Variants in LARP1B observed in about 807,000 individuals in gnomAD.
LARP1B encodes the protein la-related protein 1B.
LARP1B carries 76 observed loss-of-function variants against 114.2 expected under a neutral mutation model. That is an observed-to-expected ratio of 0.67 (90% CI 0.55 to 0.81). The LOEUF (loss-of-function observed/expected upper bound fraction) is 0.81, where lower values mean the gene tolerates loss of function less well. Among genes scored for constraint, LARP1B ranks in the 30% least tolerant of loss-of-function variants. LARP1B has a pLI of 0.00. For synonymous variants in LARP1B, 345 were observed against 348.0 expected, an observed-to-expected ratio of 0.99 and a Z score of 0.10; for missense variants, 1,014 against 1,075.8, an observed-to-expected ratio of 0.94 and a Z score of 0.80.
intron 18 of LARP1B, among the ~76,000 whole-genome samples, 183 bp from the exon 19 acceptor site, chr4:128,207,073 A>G (rs1757816543): frequency 6.6e-6 from 1 of 152,376 alleles, no homozygotes; most frequent in East Asian, 1.9e-4. Flanking sequence ...TGCTTGTTAC[A>G]TAACAAATGC....
chr4:128,174,932 G>T (rs189398477), intron 12 of LARP1B, among the ~76,000 whole-genome samples: 1 of 152,004 alleles, frequency 6.6e-6, no homozygotes, highest in African/African-American at 2.4e-5. Flanking sequence ...ATTGTGTGAC[G>T]TATATTTTTC....
intron 11 of LARP1B, among the ~76,000 whole-genome samples, chr4:128,159,034 C>T (rs1159954959): frequency 6.6e-6 from 1 of 151,510 alleles, no homozygotes; most frequent in African/African-American, 2.4e-5. Flanking sequence ...AAAAATTAGC[C>T]TGTCATGGTG....
At chr4:128,126,016 TAGC>T (rs956871837) in intron 11 of LARP1B, among the ~76,000 whole-genome samples, 1 of 152,090 alleles carries the variant, frequency 6.6e-6, no homozygotes, top group African/African-American at 2.4e-5. Flanking sequence ...CAAGGAAAGT[TAGC>T]AGCACATAAA....
At chr4:128,113,760 G>A (rs1024927116) in intron 9 of LARP1B, among the ~76,000 whole-genome samples, 11 of 147,972 alleles carry the variant, frequency 7.4e-5, no homozygotes, top group East Asian at 2.0e-4. Context: ...GGCTGTGTGC[G>A]TTAGTGATGT....
At chr4:128,112,732 C>A (rs1196315367) in intron 9 of LARP1B, among the ~76,000 whole-genome samples, 2 of 152,036 alleles carry the variant, frequency 1.3e-5, no homozygotes, top group Non-Finnish European at 2.9e-5. Context: ...CCTCGGCCCC[C>A]CAAAGTGCTG....
At chr4:128,198,103 T>A in intron 15 of LARP1B, among the ~76,000 whole-genome samples, 1 of 152,100 alleles carries the variant, frequency 6.6e-6, no homozygotes, top group Non-Finnish European at 1.5e-5. Flanking sequence ...CAGGCTGGTC[T>A]CGAACTCCTG....
intron 1 of LARP1B, chr4:128,062,279 T>C: frequency 1.0e-6 from 1 of 985,326 alleles, no homozygotes. Context: ...CTTGCGGGAC[T>C]TGCCGGCGCG....
At chr4:128,132,667 A>G (rs1426519827) in intron 11 of LARP1B, among the ~76,000 whole-genome samples, 3 of 152,174 alleles carry the variant, frequency 2.0e-5, no homozygotes, top group Non-Finnish European at 4.4e-5. Flanking sequence ...GAAAGGAGCC[A>G]TCATAAAAGA....
intron 4 of LARP1B, among the ~76,000 whole-genome samples, chr4:128,079,916 C>T (rs1015211194): frequency 4.6e-5 from 7 of 151,936 alleles, no homozygotes; most frequent in Admixed American, 1.3e-4. Context: ...TTCCTACATA[C>T]GTAAGTAGTG....
intron 17 of LARP1B, among the ~76,000 whole-genome samples, chr4:128,205,182 C>G (rs1757232529): frequency 6.6e-6 from 1 of 152,222 alleles, no homozygotes; most frequent in South Asian, 2.1e-4. Flanking sequence ...CAGACCATCA[C>G]TCTTCGTCTT....
chr4:128,098,057 G>T, intron 7 of LARP1B, 129 bp from the exon 8 acceptor site: 1 of 675,896 alleles, frequency 1.5e-6, no homozygotes, highest in Non-Finnish European at 2.5e-6. Flanking sequence ...TTGTATTAGA[G>T]CTATACATAT....
intron 7 of LARP1B, among the ~76,000 whole-genome samples, chr4:128,093,817 TC>T (rs1561171016): frequency 6.7e-6 from 1 of 150,288 alleles, no homozygotes; most frequent in East Asian, 2.0e-4. Context: ...TTCAAGCAAT[TC>T]TCCTGCCTCA....
At chr4:128,099,093 G>C (rs559172129) in intron 8 of LARP1B, among the ~76,000 whole-genome samples, 1 of 151,350 alleles carries the variant, frequency 6.6e-6, no homozygotes, top group African/African-American at 2.4e-5. Context: ...CTTATTGAAA[G>C]GCTAATTTCA....
chr4:128,122,476 T>G (rs1336097828), intron 11 of LARP1B: 1 of 1,526,386 alleles, frequency 6.6e-7, no homozygotes, highest in Non-Finnish European at 8.7e-7. Context: ...TTTGTTTTTG[T>G]TTTAGGTGAC....
intron 11 of LARP1B, among the ~76,000 whole-genome samples, chr4:128,140,961 A>G (rs530119011): frequency 1.4e-3 from 213 of 152,014 alleles, no homozygotes; most frequent in African/African-American, 5.0e-3. Flanking sequence ...GATTACAGGC[A>G]TGCACCACCA....
intron 10 of LARP1B, among the ~76,000 whole-genome samples, chr4:128,117,457 C>T (rs1240376912): frequency 1.3e-5 from 2 of 152,134 alleles, no homozygotes; most frequent in African/African-American, 4.8e-5. Flanking sequence ...GTGATCTCGG[C>T]TCTGTACAAC....
chr4:128,085,042 T>G (rs2149499828), intron 5 of LARP1B, among the ~76,000 whole-genome samples: 1 of 152,114 alleles, frequency 6.6e-6, no homozygotes, highest in East Asian at 1.9e-4. Flanking sequence ...TTTTAAATTT[T>G]TAGTAGAGAT....
At chr4:128,083,021 AAC>A (rs1350541977) in intron 5 of LARP1B, among the ~76,000 whole-genome samples, 2 of 151,870 alleles carry the variant, frequency 1.3e-5, no homozygotes, top group Non-Finnish European at 2.9e-5. Flanking sequence ...GATGATTCTT[AAC>A]GAGCATGCTG....
At chr4:128,081,583 G>A (rs952497069) in intron 4 of LARP1B, among the ~76,000 whole-genome samples, 1 of 152,052 alleles carries the variant, frequency 6.6e-6, no homozygotes, top group Non-Finnish European at 1.5e-5. Context: ...TGGGCGTCGA[G>A]CTTGAACGCT....
Sources: allele counts gnomAD v4.1 joint callset (sites outside exome capture counted in the v4.1 genomes callset), GRCh38; gene constraint gnomAD v4.1.1; transcripts MANE v1.5; gene names NCBI Gene and HGNC (gene_info 2026-07-23, HGNC 2026-07-21).